The following KCNN2 variants were observed in gnomAD, a reference collection of about 807,000 sequenced individuals.
KCNN2 encodes potassium calcium-activated channel subfamily N member 2, also known as small conductance calcium-activated potassium channel protein 2.
Under a neutral mutation model 55.5 loss-of-function variants are expected in KCNN2, and 24 were observed. The ratio of observed to expected loss-of-function variants is 0.43; its 90% CI spans 0.31 to 0.61. The LOEUF (loss-of-function observed/expected upper bound fraction) is 0.61. Ranked by LOEUF, KCNN2 falls within the 20% of genes least tolerant of loss-of-function variation. KCNN2 has a pLI of 0.08. For missense variants in KCNN2, 754 were observed against 853.6 expected, an observed-to-expected ratio of 0.88 and a Z score of 1.45; for synonymous variants, 431 against 336.1, an observed-to-expected ratio of 1.28 and a Z score of -3.09.
chr5:114,294,151 A>G (rs1418795859), intron 2 of KCNN2, among the ~76,000 whole-genome samples: 1 of 152,024 alleles, frequency 6.6e-6, no homozygotes, highest in African/African-American at 2.4e-5. Flanking sequence ...CAGCTCCTGG[A>G]TGCATTAATT....
Position 114,205,401 on chromosome 5 carries a change from A to C in KCNN2, c.-270-16079A>C, listed in dbSNP as rs181609922. Among the ~76,000 whole-genome samples the C allele has an allele frequency of 4.8e-3, 732 of 152,276 alleles. 7 individuals carry two copies. Among genetic ancestry groups the C allele is most frequent in the Middle Eastern group, 0.014 (4 of 294 alleles). ...TGCCTAGTCATTTTTGTGTTACATT[A>C]AGTTTATTTTGTCTTTTTTGGATCA... On this transcript the variant is annotated intron_variant, in intron 1 of 10. Transcript: ENST00000512097.
chr5:114,242,318 CA>C (rs1754662759), intron 2 of KCNN2, among the ~76,000 whole-genome samples: 1 of 151,866 alleles, frequency 6.6e-6, no homozygotes. Context: ...ATAGCATAAA[CA>C]AAATAAAAGG....
chr5:114,374,647 A>G (rs1156584226), intron 2 of KCNN2, among the ~76,000 whole-genome samples: 1 of 152,164 alleles, frequency 6.6e-6, no homozygotes, highest in Non-Finnish European at 1.5e-5. Context: ...TCAAATAATC[A>G]TTAATTGAAT....
chr5:114,386,721 A>G (rs904296885), intron 2 of KCNN2, among the ~76,000 whole-genome samples: 1 of 152,178 alleles, frequency 6.6e-6, no homozygotes, highest in African/African-American at 2.4e-5. Flanking sequence ...CTATGGAGGA[A>G]TATAAGGAGG....
intron 1 of KCNN2, among the ~76,000 whole-genome samples, chr5:114,155,217 C>A (rs1752605639): frequency 6.6e-6 from 1 of 152,128 alleles, no homozygotes; most frequent in Non-Finnish European, 1.5e-5. Context: ...AGGACATGAT[C>A]TCTTTATTTT....
intron 2 of KCNN2, among the ~76,000 whole-genome samples, chr5:114,249,506 C>T (rs906869645): frequency 6.6e-6 from 1 of 151,790 alleles, no homozygotes; most frequent in East Asian, 1.9e-4. Flanking sequence ...AGGCTGATCT[C>T]GAATTCCTGA....
At chr5:114,148,001 G>A (rs1039622014) in intron 1 of KCNN2, among the ~76,000 whole-genome samples, 1 of 152,084 alleles carries the variant, frequency 6.6e-6, no homozygotes, top group African/African-American at 2.4e-5. Flanking sequence ...AACGAAGAAT[G>A]TAATTATTTT....
intron 1 of KCNN2, among the ~76,000 whole-genome samples, chr5:114,095,749 G>A (rs1441076955): frequency 1.3e-5 from 2 of 152,078 alleles, no homozygotes; most frequent in Admixed American, 6.6e-5. Context: ...CCTAGGATGG[G>A]ACTCCTCTCC....
At chr5:114,063,697 C>T (rs983506055) in intron 1 of KCNN2, among the ~76,000 whole-genome samples, 1 of 152,206 alleles carries the variant, frequency 6.6e-6, no homozygotes, top group Non-Finnish European at 1.5e-5. Flanking sequence ...CAATGCTAGG[C>T]TGACCAGCTG....
chr5:114,313,410 A>G (rs1756443318), intron 2 of KCNN2, among the ~76,000 whole-genome samples: 1 of 152,214 alleles, frequency 6.6e-6, no homozygotes, highest in Admixed American at 6.6e-5. Context: ...ATATAGCTAC[A>G]GAAACAAAGC....
chr5:114,208,118 T>G (rs1160033020), intron 1 of KCNN2, among the ~76,000 whole-genome samples: 1 of 152,174 alleles, frequency 6.6e-6, no homozygotes, highest in Non-Finnish European at 1.5e-5. Flanking sequence ...GAATTCACAA[T>G]TATGTTGGTA....
At chr5:114,289,736 A>C (rs1561557024) in intron 2 of KCNN2, among the ~76,000 whole-genome samples, 1 of 152,158 alleles carries the variant, frequency 6.6e-6, no homozygotes. Context: ...AATTGCATTG[A>C]ATCTTTAAAC....
intron 2 of KCNN2, among the ~76,000 whole-genome samples, chr5:114,309,824 G>T (rs919536520): frequency 1.3e-5 from 2 of 152,134 alleles, no homozygotes; most frequent in African/African-American, 4.8e-5. Flanking sequence ...ACAGGTACAG[G>T]TGTGACATTG....
At chr5:114,130,464 A>C (rs1752049428) in intron 1 of KCNN2, among the ~76,000 whole-genome samples, 1 of 152,222 alleles carries the variant, frequency 6.6e-6, no homozygotes, top group African/African-American at 2.4e-5. Flanking sequence ...AATAGGATCC[A>C]GATTTCTCTT....
At chr5:114,091,378 T>C (rs1217796487) in intron 1 of KCNN2, among the ~76,000 whole-genome samples, 3 of 152,120 alleles carry the variant, frequency 2.0e-5, no homozygotes, top group African/African-American at 4.8e-5. Flanking sequence ...ATATATAAAT[T>C]CGGAGCTACC....
upstream of KCNN2, among the ~76,000 whole-genome samples, chr5:114,361,640 G>A (rs544642088): frequency 1.6e-5 from 1 of 62,912 alleles, no homozygotes; most frequent in Non-Finnish European, 3.5e-5. Context: ...CACCGTCCCT[G>A]AGCCTGCCCC....
chr5:114,475,783 T>G (rs188626635), intron 5 of KCNN2, among the ~76,000 whole-genome samples: 226 of 152,150 alleles, frequency 1.5e-3, no homozygotes, highest in Middle Eastern at 3.4e-3. Flanking sequence ...AGGATCTAGA[T>G]CTATGGATTT....
rs566372210 is a variant in KCNN2, at chr5:114,304,971, C to G, written c.-184-55974C>G. ...ACCACTGGGCCTCTAAAGTATTTGC[C>G]AAAATAACAGATTGCTGATTTTTTT... On this transcript the variant is annotated intron_variant, in intron 2 of 10. Transcript: ENST00000512097. Among the ~76,000 whole-genome samples the G allele has an allele frequency of 3.3e-5, 5 of 152,208 alleles. No individual in the cohort carries two copies. The East Asian group carries it at 7.7e-4, about 24-fold the overall frequency.
intron 3 of KCNN2, among the ~76,000 whole-genome samples, chr5:114,425,179 T>C (rs530149331): frequency 2.0e-5 from 3 of 152,164 alleles, no homozygotes; most frequent in Non-Finnish European, 4.4e-5. Flanking sequence ...AAGGCCATGG[T>C]GTGAAGAAGG....
Sources: gnomAD v4.1 joint callset for allele counts (sites outside exome capture counted in the v4.1 genomes callset) on GRCh38, gnomAD v4.1.1 for gene constraint, MANE v1.5 for transcripts, NCBI Gene and HGNC (gene_info 2026-07-23, HGNC 2026-07-21) for gene names.